Variants in AFF3 observed in about 807,000 individuals in gnomAD.
The protein encoded by AFF3 is AF4/FMR2 family member 3.
A neutral mutation model predicts 129.7 loss-of-function variants in AFF3; 32 were observed. The observed-to-expected ratio is 0.25, with a 90% CI of 0.19 to 0.33. The LOEUF (loss-of-function observed/expected upper bound fraction) is 0.33. AFF3 is among the 10% of genes least tolerant of loss of function. The pLI is 1.00. For synonymous variants in AFF3, 644 were observed against 635.4 expected, an observed-to-expected ratio of 1.01 and a Z score of -0.20; for missense variants, 1,373 against 1,592.0, an observed-to-expected ratio of 0.86 and a Z score of 2.34.
intron 8 of AFF3, among the ~76,000 whole-genome samples, chr2:99,756,482 G>T (rs1682109302): frequency 6.6e-6 from 1 of 152,202 alleles, no homozygotes. Flanking sequence ...TGACCCCGTT[G>T]CCTTCCTTCT....
chr2:100,089,217 T>A (rs1437291517), intron 4 of AFF3, among the ~76,000 whole-genome samples: 1 of 151,666 alleles, frequency 6.6e-6, no homozygotes, highest in Admixed American at 6.6e-5. Context: ...TATTTATTTG[T>A]AGGTTCACAT....
In AFF3 at chr2:99,582,672, G is replaced by A. The variant is rs7573328; in HGVS notation, c.2793+126C>T. The A allele has an allele frequency of 5.3e-3, 5,251 of 982,312 alleles. 194 individuals carry two copies. In the African/African-American group the frequency reaches 0.075, roughly 14 times the overall value. 60.8% of individuals were successfully genotyped at this position (982,312 alleles called of 1,614,324 possible). ...TCCTCTGTTGGGTCTTCCTAGAAGC[G>A]GGAGGCATTCAGGAATTCTCAAGGG... On this transcript the variant is annotated intron_variant, in intron 17 of 24. Transcript: ENST00000672756.
At chr2:100,099,503 T>A (rs1163646556) in intron 4 of AFF3, among the ~76,000 whole-genome samples, 2 of 152,064 alleles carry the variant, frequency 1.3e-5, no homozygotes, top group Admixed American at 1.3e-4. Context: ...CCACACTTTA[T>A]TCCCTCCATG....
intron 7 of AFF3, among the ~76,000 whole-genome samples, chr2:99,972,703 A>T (rs1440667476): frequency 2.0e-5 from 3 of 152,252 alleles, no homozygotes; most frequent in African/African-American, 7.2e-5. Context: ...AATTGCAGAC[A>T]GTGCTAAGTG....
At chr2:99,573,329 C>A (rs560663369) in intron 18 of AFF3, among the ~76,000 whole-genome samples, 1 of 152,168 alleles carries the variant, frequency 6.6e-6, no homozygotes, top group Admixed American at 6.5e-5. Flanking sequence ...AAGCTCCTGG[C>A]CTTGAGACAG....
chr2:99,826,298 G>C (rs1688075563), intron 8 of AFF3, among the ~76,000 whole-genome samples: 1 of 152,198 alleles, frequency 6.6e-6, no homozygotes, highest in Non-Finnish European at 1.5e-5. Context: ...ACAGGCGTGA[G>C]CCACCCCATC....
At chr2:99,627,555 T>C (rs1299449717) in intron 13 of AFF3, among the ~76,000 whole-genome samples, 1 of 152,254 alleles carries the variant, frequency 6.6e-6, no homozygotes, top group Non-Finnish European at 1.5e-5. Context: ...TTTCTTTTGC[T>C]GTGCAGAAGC....
chr2:99,968,098 G>A (rs138304542), intron 7 of AFF3, among the ~76,000 whole-genome samples: 3 of 152,162 alleles, frequency 2.0e-5, no homozygotes, highest in African/African-American at 7.2e-5. Context: ...GCCCTGTCCC[G>A]AGTTCCCTCA....
intron 4 of AFF3, among the ~76,000 whole-genome samples, chr2:100,037,016 C>T (rs1684976487): frequency 6.6e-6 from 1 of 152,072 alleles, no homozygotes; most frequent in Admixed American, 6.6e-5. Flanking sequence ...TGGAGGGAAA[C>T]TTGGCAATAT....
intron 7 of AFF3, among the ~76,000 whole-genome samples, chr2:99,943,310 T>G (rs192024624): frequency 6.6e-4 from 101 of 152,348 alleles, no homozygotes; most frequent in South Asian, 1.9e-3. Flanking sequence ...TGCTGGACAG[T>G]GTCTGCAGTC....
intron 16 of AFF3, 82 bp downstream of exon 16, chr2:99,587,072 T>C: frequency 2.5e-6 from 4 of 1,578,740 alleles, no homozygotes; most frequent in Non-Finnish European, 3.5e-6. Context: ...TCAAAAAGCC[T>C]GACCCTCCTC....
intron 8 of AFF3, among the ~76,000 whole-genome samples, chr2:99,798,261 T>C (rs1685688701): frequency 6.6e-6 from 1 of 151,724 alleles, no homozygotes; most frequent in Non-Finnish European, 1.5e-5. Flanking sequence ...TAATAGCTAA[T>C]AAGACAACAA....
At chr2:99,654,689 T>C (rs369495681) in intron 12 of AFF3, among the ~76,000 whole-genome samples, 2 of 152,246 alleles carry the variant, frequency 1.3e-5, no homozygotes, top group Admixed American at 1.3e-4. Context: ...GAACACGTCA[T>C]TGATCCTTCC....
At chr2:99,615,123 C>T (rs1257102113) in intron 13 of AFF3, among the ~76,000 whole-genome samples, 2 of 152,232 alleles carry the variant, frequency 1.3e-5, no homozygotes, top group African/African-American at 2.4e-5. Flanking sequence ...CTAGCCTGTC[C>T]TTCAGATGGA....
At chr2:99,691,528 A>G (rs1185040885) in intron 11 of AFF3, among the ~76,000 whole-genome samples, 2 of 151,170 alleles carry the variant, frequency 1.3e-5, no homozygotes, top group African/African-American at 2.4e-5. Context: ...CACCAGACCA[A>G]CTGCTGCCTC....
chr2:99,587,747 C>T (rs1210662464), intron 15 of AFF3, among the ~76,000 whole-genome samples: 2 of 152,158 alleles, frequency 1.3e-5, no homozygotes, highest in African/African-American at 2.4e-5. Context: ...TGCGGTGGCT[C>T]ATGCCTGTAA....
intron 7 of AFF3, among the ~76,000 whole-genome samples, chr2:99,874,006 C>T (rs1241404736): frequency 6.6e-6 from 1 of 151,916 alleles, no homozygotes; most frequent in Non-Finnish European, 1.5e-5. Flanking sequence ...AACCCCGTCT[C>T]TACTAAAAAT....
chr2:99,589,281 T>C (rs1309202987), intron 15 of AFF3, among the ~76,000 whole-genome samples: 2 of 151,690 alleles, frequency 1.3e-5, no homozygotes, highest in East Asian at 1.9e-4. Flanking sequence ...ACAGGGTGTG[T>C]AGAGAAAAAC....
intron 12 of AFF3, among the ~76,000 whole-genome samples, chr2:99,655,091 G>A (rs1210571255): frequency 6.6e-6 from 1 of 152,048 alleles, no homozygotes; most frequent in East Asian, 1.9e-4. Flanking sequence ...GGAGAGGTTT[G>A]TAATTCAGTC....
Sources: gnomAD v4.1 joint callset for allele counts (sites outside exome capture counted in the v4.1 genomes callset) on GRCh38, gnomAD v4.1.1 for gene constraint, MANE v1.5 for transcripts, NCBI Gene and HGNC (gene_info 2026-07-23, HGNC 2026-07-21) for gene names.